UBE2V2: variants seen among roughly 807,000 people sequenced by gnomAD.
UBE2V2 encodes the protein ubiquitin-conjugating enzyme E2 variant 2.
In UBE2V2, 9 loss-of-function variants were observed where a neutral mutation model predicts 17.2. That is an observed-to-expected ratio of 0.52 (90% CI 0.32 to 0.91). UBE2V2 has a LOEUF of 0.91. UBE2V2 is among the 40% of genes least tolerant of loss of function. The pLI is 0.04. For synonymous variants in UBE2V2, 61 were observed against 57.5 expected, an observed-to-expected ratio of 1.06 and a Z score of -0.28; for missense variants, 133 against 182.6, an observed-to-expected ratio of 0.73 and a Z score of 1.56.
Position 48,025,020 on chromosome 8 carries a change from C to T in UBE2V2, c.16+16550C>T, listed in dbSNP as rs553344308. On this transcript the variant is annotated intron_variant, in intron 1 of 3. Coordinates refer to ENST00000523111, the MANE Select transcript of UBE2V2 (RefSeq NM_003350.3). ...TGCAATCTCAGCTCACTGCAACCTC[C>T]GCTTCCTGGGTTCAAGTGATTCTCC... Among the ~76,000 whole-genome samples the T allele has an allele frequency of 6.6e-5, 10 of 151,250 alleles. No individual in the cohort carries two copies. In the East Asian group the frequency reaches 2.0e-3, roughly 30 times the overall value.
chr8:48,012,144 C>A (rs868567973), intron 1 of UBE2V2, among the ~76,000 whole-genome samples: 3 of 152,286 alleles, frequency 2.0e-5, no homozygotes, highest in Middle Eastern at 3.4e-3. Context: ...TGGAATATTT[C>A]TCAGAACATG....
intron 3 of UBE2V2, among the ~76,000 whole-genome samples, chr8:48,055,201 T>G (rs1283007743): frequency 1.1e-5 from 1 of 93,058 alleles, no homozygotes; most frequent in Non-Finnish European, 1.7e-5. Context: ...TTTCTTTTCC[T>G]TTTTTTTTTT....
At chr8:48,030,186 T>G (rs1363458112) in intron 1 of UBE2V2, among the ~76,000 whole-genome samples, 1 of 152,216 alleles carries the variant, frequency 6.6e-6, no homozygotes, top group Non-Finnish European at 1.5e-5. Context: ...TATATTTGGA[T>G]GTATTCACTT....
At chr8:48,032,380 A>G (rs2091389408) in intron 1 of UBE2V2, among the ~76,000 whole-genome samples, 1 of 152,164 alleles carries the variant, frequency 6.6e-6, no homozygotes, top group Non-Finnish European at 1.5e-5. Context: ...GGTGAATTAT[A>G]TAAATATAGT....
intron 1 of UBE2V2, among the ~76,000 whole-genome samples, chr8:48,009,130 G>A (rs2091209046): frequency 6.6e-6 from 1 of 152,160 alleles, no homozygotes; most frequent in South Asian, 2.1e-4. Flanking sequence ...TGAATACAAT[G>A]TTTGGTTTCC....
At chr8:48,023,598 G>A (rs1488141342) in intron 1 of UBE2V2, among the ~76,000 whole-genome samples, 1 of 152,120 alleles carries the variant, frequency 6.6e-6, no homozygotes, top group African/African-American at 2.4e-5. Flanking sequence ...TGGGCGCGCA[G>A]TAGTGGCTTA....
the UBE2V2 span, among the ~76,000 whole-genome samples, chr8:48,002,877 G>A: frequency 3.3e-5 from 5 of 152,000 alleles, no homozygotes; most frequent in Admixed American, 6.6e-5. Flanking sequence ...TAGCCATTCC[G>A]TAATGTATAC....
upstream of UBE2V2, among the ~76,000 whole-genome samples, chr8:48,007,134 C>T (rs1444089993): frequency 4.6e-5 from 7 of 151,710 alleles, no homozygotes; most frequent in Admixed American, 6.6e-5. Flanking sequence ...GTGATCCGCC[C>T]GCCTCCGCCT....
At chr8:48,058,544 T>G (rs2091588018) in intron 3 of UBE2V2, among the ~76,000 whole-genome samples, 1 of 146,914 alleles carries the variant, frequency 6.8e-6, no homozygotes, top group South Asian at 2.2e-4. Context: ...TGCACTGCAC[T>G]CTAGCCTGGG....
intron 2 of UBE2V2, among the ~76,000 whole-genome samples, chr8:48,044,177 T>C (rs1294851747): frequency 6.6e-6 from 1 of 152,084 alleles, no homozygotes; most frequent in East Asian, 1.9e-4. Flanking sequence ...ATGATGATTA[T>C]TGAGACAACA....
At chr8:48,014,414 G>C (rs1402078293) in intron 1 of UBE2V2, among the ~76,000 whole-genome samples, 3 of 151,990 alleles carry the variant, frequency 2.0e-5, no homozygotes, top group East Asian at 3.9e-4. Context: ...GGAGGCTGAG[G>C]GGGGCGGATC....
intron 1 of UBE2V2, among the ~76,000 whole-genome samples, chr8:48,022,901 A>G (rs1016417274): frequency 2.6e-5 from 4 of 151,304 alleles, no homozygotes; most frequent in Admixed American, 6.6e-5. Context: ...AGCCTCCCAA[A>G]GTGCTGGGGT....
At chr8:48,001,148 G>C in the UBE2V2 span, among the ~76,000 whole-genome samples, 2 of 152,276 alleles carry the variant, frequency 1.3e-5, no homozygotes, top group East Asian at 3.9e-4. Flanking sequence ...CAAGGACAAA[G>C]TAACCGACAA....
At chr8:48,011,524 G>T (rs1484749773) in intron 1 of UBE2V2, among the ~76,000 whole-genome samples, 1 of 152,096 alleles carries the variant, frequency 6.6e-6, no homozygotes, top group Admixed American at 6.6e-5. Flanking sequence ...GATAACAGTT[G>T]TTTAAGAGGC....
chr8:48,000,821 CAAAAAAA>C, the UBE2V2 span, among the ~76,000 whole-genome samples: 1 of 20,486 alleles, frequency 4.9e-5, no homozygotes, highest in Admixed American at 4.8e-4. Flanking sequence ...GACTTTGCCT[CAAAAAAA>C]AAAAAAAAAA....
intron 1 of UBE2V2, among the ~76,000 whole-genome samples, chr8:48,033,570 C>T (rs183451544): frequency 1.2e-4 from 19 of 152,178 alleles, no homozygotes; most frequent in Admixed American, 5.9e-4. Context: ...AAAATGGTTA[C>T]TATAGTGAGT....
chr8:48,052,227 G>A (rs1372350145), intron 3 of UBE2V2, among the ~76,000 whole-genome samples: 27 of 152,126 alleles, frequency 1.8e-4, no homozygotes. Context: ...TATTATTTAG[G>A]GAATGTCCTG....
At chr8:48,044,142 CCTG>C (rs1402183160) in intron 2 of UBE2V2, among the ~76,000 whole-genome samples, 1 of 151,842 alleles carries the variant, frequency 6.6e-6, no homozygotes, top group East Asian at 1.9e-4. Flanking sequence ...TAGAGTTCCT[CCTG>C]ATGATGATGA....
At position 48,015,892 on chromosome 8, in the gene UBE2V2, G is replaced by GT. The variant is rs766503305; in HGVS notation, c.16+7423dup. Among the ~76,000 whole-genome samples, 22 of 146,718 alleles carry GT rather than the reference G, an allele frequency of 1.5e-4. 1 individual carries two copies. Among genetic ancestry groups the GT allele is most frequent in the Non-Finnish European group, 2.4e-4 (16 of 66,860 alleles). On this transcript the variant is annotated intron_variant, in intron 1 of 3. Transcript: ENST00000523111. The stretch of plus-strand genomic sequence containing the variant: ...ACATGTTCTTTATCCATTTGTCTGT[G>GT]TGGTTTTTTTTTTTTTTTTTTTTGA...
Sources: gnomAD v4.1 joint callset for allele counts (sites outside exome capture counted in the v4.1 genomes callset) on GRCh38, gnomAD v4.1.1 for gene constraint, MANE v1.5 for transcripts, NCBI Gene and HGNC (gene_info 2026-07-23, HGNC 2026-07-21) for gene names.